EPS15L1: variants seen among roughly 807,000 people sequenced by gnomAD.
EPS15L1 encodes epidermal growth factor receptor substrate 15-like 1.
EPS15L1 carries 43 observed loss-of-function variants against 117.1 expected under a neutral mutation model. The observed-to-expected ratio is 0.37, with a 90% CI of 0.29 to 0.47. EPS15L1 has a LOEUF of 0.47. EPS15L1 is among the 20% of genes least tolerant of loss of function. The pLI is 0.99. For synonymous variants in EPS15L1, 459 were observed against 470.5 expected (o/e 0.98, Z 0.32); for missense variants, 981 against 1,164.0 (o/e 0.84, Z 2.29).
chr19:16,408,306 G>T, intron 13 of EPS15L1, among the ~76,000 whole-genome samples: 1 of 152,104 alleles, frequency 6.6e-6, no homozygotes, highest in Non-Finnish European at 1.5e-5. Context: ...TGGCTTCTTT[G>T]CAGAAACAGA....
At chr19:16,403,094 G>A (rs1299532435) in intron 15 of EPS15L1, among the ~76,000 whole-genome samples, 2 of 152,172 alleles carry the variant, frequency 1.3e-5, no homozygotes, top group Non-Finnish European at 2.9e-5. Context: ...AAGTGTGCCT[G>A]GCCACTCCGA....
intron 12 of EPS15L1, among the ~76,000 whole-genome samples, chr19:16,415,580 G>A (rs2092750894): frequency 6.6e-6 from 1 of 152,218 alleles, no homozygotes; most frequent in South Asian, 2.1e-4. Context: ...ACATGCCCTT[G>A]CTGGCTTATG....
chr19:16,443,571 G>C (rs759987704), intron 1 of EPS15L1: 3 of 152,138 alleles, frequency 2.0e-5, no homozygotes, highest in Non-Finnish European at 4.4e-5. Context: ...TTAGCCAGGC[G>C]TGGTGGCATG....
rs1302138992 is a variant in EPS15L1 at position 16,381,026 on chromosome 19, T to TC, written c.2248-3773dup. On this transcript the variant is annotated intron_variant, in intron 21 of 23. Coordinates refer to ENST00000455140, the MANE Select transcript of EPS15L1 (RefSeq NM_001258374.3). This position sits in a 1 kb window ranked among gnomAD's most constrained non-coding sequence, Gnocchi z 4.2. The stretch of plus-strand genomic sequence containing the variant: ...TAAGAGGCAGCCTACCCATTCCAGG[T>TC]CCCCCCGATAAGGGCAGTGGCAGGT... Among the ~76,000 whole-genome samples the TC allele has an allele frequency of 2.0e-5, 3 of 151,904 alleles. No individual in the cohort carries two copies. Among genetic ancestry groups the TC allele is most frequent in the African/African-American group, 7.3e-5 (3 of 41,322 alleles).
Position 16,468,449 on chromosome 19 carries a change from G to A in EPS15L1, c.33+3464C>T, listed in dbSNP as rs148365309. On this transcript the variant is annotated intron_variant, in intron 1 of 23. Transcript: ENST00000455140. ...CAACCTCCGCCGCCTGGTTTCAAGC[G>A]ATTCTTGTGCCTCAGCCTCCCAAGT... Among the ~76,000 whole-genome samples, 987 of 152,322 alleles carry A rather than the reference G, an allele frequency of 6.5e-3. 13 individuals carry two copies. The highest frequency in any genetic ancestry group is 0.023 in the African/African-American group (941 of 41,566).
At chr19:16,359,570 C>A (rs1401305173) in intron 23 of EPS15L1, among the ~76,000 whole-genome samples, 2 of 152,166 alleles carry the variant, frequency 1.3e-5, no homozygotes, top group Non-Finnish European at 2.9e-5. Flanking sequence ...TGATTTTAAA[C>A]AGAAAACAGG....
In EPS15L1 at chr19:16,404,862, G is replaced by A. The variant is rs943260868; in HGVS notation, c.1267-113C>T. Reference sequence around the variant, plus strand: ...GGGGAAGCCTCCGAAACCACCCACTGTGACCGTGCTCAGGGCCAGCATTCC... The same window carrying A: ...GGGGAAGCCTCCGAAACCACCCACTATGACCGTGCTCAGGGCCAGCATTCC... On this transcript the variant is annotated intron_variant, in intron 13 of 23. Transcript: ENST00000455140. This position sits in a 1 kb window ranked among gnomAD's most constrained non-coding sequence, Gnocchi z 4.2. 2 of 1,179,178 alleles carry A rather than the reference G, an allele frequency of 1.7e-6. No homozygotes were observed. Among genetic ancestry groups the A allele is most frequent in the African/African-American group, 1.5e-5 (1 of 65,928 alleles). 73.0% of individuals were successfully genotyped at this position (1,179,178 alleles called of 1,614,324 possible). A position where few individuals can be genotyped will look rare whatever the true frequency, so the allele number is the denominator to read the frequency against.
intron 1 of EPS15L1, among the ~76,000 whole-genome samples, chr19:16,445,790 A>G (rs1305115839): frequency 6.6e-6 from 1 of 152,140 alleles, no homozygotes; most frequent in Non-Finnish European, 1.5e-5. Flanking sequence ...CAGAGAGGGG[A>G]CGCACCAGGG....
At chr19:16,461,305 T>TA (rs749124401) in intron 1 of EPS15L1, among the ~76,000 whole-genome samples, 13,172 of 99,860 alleles carry the variant, frequency 0.13, 693 homozygotes, top group Middle Eastern at 0.15. Flanking sequence ...CTCCGTCTCT[T>TA]AAAAAAAAAA....
intron 21 of EPS15L1, among the ~76,000 whole-genome samples, chr19:16,380,333 T>G (rs556818203): frequency 6.6e-6 from 1 of 151,316 alleles, no homozygotes; most frequent in African/African-American, 2.4e-5. Flanking sequence ...CACACAGACG[T>G]GGTCATTTAA....
Position 16,405,093 on chromosome 19 carries a change from G to T in EPS15L1, c.1267-344C>A, listed in dbSNP as rs1003252462. On this transcript the variant is annotated intron_variant, in intron 13 of 23. Coordinates refer to ENST00000455140, the MANE Select transcript of EPS15L1 (RefSeq NM_001258374.3). The surrounding 1 kb of genome is among the most constrained non-coding windows in gnomAD (Gnocchi z 4.0). The stretch of plus-strand genomic sequence containing the variant: ...GAACATCACCCAAACGCAAATAAAC[G>T]TGGACAAGTGGCACCAAGGGGGTCA... Among the ~76,000 whole-genome samples the T allele has an allele frequency of 1.3e-5, 2 of 152,206 alleles. No homozygotes were observed. Among genetic ancestry groups the T allele is most frequent in the Non-Finnish European group, 2.9e-5 (2 of 68,050 alleles).
intron 5 of EPS15L1, 61 bp from the exon 6 acceptor site, chr19:16,437,060 G>C (rs748379106): frequency 2.0e-6 from 3 of 1,483,086 alleles, no homozygotes; most frequent in Middle Eastern, 1.7e-4. Flanking sequence ...AGGTGGGTGG[G>C]TTTGCTGAAA....
chr19:16,401,858 C>A, intron 16 of EPS15L1: 1 of 987,874 alleles, frequency 1.0e-6, no homozygotes, highest in Non-Finnish European at 1.2e-6. Context: ...ATTACTTCCT[C>A]ATCTTTAGCA....
intron 22 of EPS15L1, among the ~76,000 whole-genome samples, chr19:16,363,243 T>C (rs1343143937): frequency 6.6e-6 from 1 of 152,144 alleles, no homozygotes; most frequent in Non-Finnish European, 1.5e-5. Context: ...GGAAGCTCAA[T>C]AATATGCAAC....
In EPS15L1 at chr19:16,417,958, G is replaced by A. The variant is rs771783338; in HGVS notation, c.1097C>T (p.Thr366Met). The A allele has an allele frequency of 5.0e-6, 8 of 1,613,396 alleles. No homozygotes were observed. Among genetic ancestry groups the A allele is most frequent in the Non-Finnish European group, 5.1e-6 (6 of 1,179,726 alleles). ...PDMVPPSERG[T>M]PGPDSSGSLG... ...ACCAGCACCACTCACCGGGCCGGGC[G>A]TGCCTCTCTCCGAAGGCGGGACCAT... Residue 366 changes from threonine to methionine, a missense_variant, in exon 11 of 24, where the codon ACG (threonine) becomes ATG (methionine). Physicochemically the swap from Thr to Met is moderately conservative, Grantham distance 81. This residue lies in a region of EPS15L1 where 819 missense variants were observed against 949.0 expected (regional missense o/e 0.86). Coordinates refer to ENST00000455140, the MANE Select transcript of EPS15L1 (RefSeq NM_001258374.3).
At chr19:16,403,959 G>A in intron 14 of EPS15L1, 29 bp from the exon 15 acceptor site, 3 of 1,587,964 alleles carry the variant, frequency 1.9e-6, no homozygotes, top group African/African-American at 2.7e-5. Flanking sequence ...AGATGTTAAA[G>A]AGATTCACAG....
At chr19:16,420,024 G>A (rs951671632) in intron 10 of EPS15L1, among the ~76,000 whole-genome samples, 5 of 152,250 alleles carry the variant, frequency 3.3e-5, no homozygotes, top group African/African-American at 4.8e-5. Flanking sequence ...CCGTACGGTG[G>A]CAGCCATCGC....
chr19:16,422,557 T>C (rs1229020013), intron 9 of EPS15L1, among the ~76,000 whole-genome samples: 1 of 152,248 alleles, frequency 6.6e-6, no homozygotes. Context: ...GATCGATTGT[T>C]CCTTCTCCAC....
chr19:16,421,452 C>T lies in EPS15L1; in HGVS notation c.817G>A (p.Val273Met), dbSNP rs778360158. 42 of 1,613,592 alleles carry T rather than the reference C, an allele frequency of 2.6e-5. No homozygotes were observed. The highest frequency in any genetic ancestry group is 6.6e-5 in the South Asian group (6 of 91,084). ...TCATCAAATCGCATCTTGTCTGCCA[C>T]GGGCACCACCCAGTTCACTGTTGGC... ...TQPTVNWVVPVADKMRFDEIF... is the reference protein window; with the variant it reads ...TQPTVNWVVPMADKMRFDEIF... Residue 273 changes from valine to methionine, a missense_variant, in exon 10 of 24, where the codon GTG (valine) becomes ATG (methionine). By Grantham distance (21) the Val-to-Met change is conservative. Transcript: ENST00000455140.
Sources: allele counts gnomAD v4.1 joint callset (sites outside exome capture counted in the v4.1 genomes callset), GRCh38; gene constraint gnomAD v4.1.1; regional missense constraint gnomAD v4.1.1; non-coding constraint Gnocchi (gnomAD v3.1); transcripts MANE v1.5; gene names NCBI Gene and HGNC (gene_info 2026-07-23, HGNC 2026-07-21).